The following AKAP13 variants were observed in gnomAD, a reference collection of about 807,000 sequenced individuals.
AKAP13 encodes the protein A-kinase anchor protein 13.
In AKAP13, 80 loss-of-function variants were observed where a neutral mutation model predicts 264.5. The ratio of observed to expected loss-of-function variants is 0.30; its 90% CI spans 0.25 to 0.36. The LOEUF is 0.36. AKAP13 is among the 10% of genes least tolerant of loss of function. The probability of loss-of-function intolerance (pLI) is 1.00; values close to 1 mark genes in which losing one functional copy is unlikely to be tolerated. For missense variants in AKAP13, 3,712 were observed against 3,435.2 expected (o/e 1.08, Z -2.01); for synonymous variants, 1,380 against 1,250.2 (o/e 1.10, Z -2.19).
In AKAP13 at chr15:85,748,569, A is replaced by G. The variant is rs555605198; in HGVS notation, c.*3892A>G. ...CCTTTCAATGTAGCAAAGCATTCCT[A>G]GTTAACCAGAGCCTTGGAATCTACT... On this transcript the variant is annotated 3_prime_UTR_variant, in exon 37 of 37. Coordinates refer to ENST00000394518, the MANE Select transcript of AKAP13 (RefSeq NM_007200.5). 2 of 152,318 alleles carry G rather than the reference A, an allele frequency of 1.3e-5. No individual in the cohort carries two copies. Among genetic ancestry groups the G allele is most frequent in the East Asian group, 3.9e-4 (2 of 5,188 alleles). 9.4% of individuals were successfully genotyped at this position (152,318 alleles called of 1,614,324 possible).
chr15:85,683,325 C>T (rs1412056215), intron 15 of AKAP13, among the ~76,000 whole-genome samples: 2 of 152,234 alleles, frequency 1.3e-5, no homozygotes, highest in African/African-American at 4.8e-5. Context: ...CTGCCACCTG[C>T]CCTCTCACAG....
At chr15:85,399,481 C>T (rs7172791) in intron 1 of AKAP13, among the ~76,000 whole-genome samples, 71,007 of 125,658 alleles carry the variant, frequency 0.57, 20,590 homozygotes, top group African/African-American at 0.72. Flanking sequence ...CCGGCCTGGG[C>T]GACAGAGCGA....
intron 2 of AKAP13, among the ~76,000 whole-genome samples, chr15:85,486,739 CTTTTTT>C (rs562767898): frequency 1.4e-4 from 16 of 115,646 alleles, no homozygotes; most frequent in African/African-American, 2.7e-4. Context: ...TTGTTCAGTT[CTTTTTT>C]TTTTTTTTTT....
intron 1 of AKAP13, among the ~76,000 whole-genome samples, chr15:85,423,495 T>A (rs1478123054): frequency 1.3e-5 from 2 of 152,200 alleles, no homozygotes; most frequent in Non-Finnish European, 2.9e-5. Context: ...AGTTTTATCA[T>A]GAGATTGCAG....
rs115664213 is a variant in AKAP13, at chr15:85,501,874, G to C, written c.33+16121G>C. Among the ~76,000 whole-genome samples the C allele has an allele frequency of 4.8e-3, 733 of 152,264 alleles. 11 individuals are homozygous for C. The highest frequency in any genetic ancestry group is 6.5e-3 in the Non-Finnish European group (445 of 68,012). On this transcript the variant is annotated intron_variant, in intron 2 of 36. Coordinates refer to ENST00000394518, the MANE Select transcript of AKAP13 (RefSeq NM_007200.5). Reference sequence around the variant, plus strand: ...CTATTGCCTAGGATTTGTGAAATAAGGATGTTGGTGAGATTATTAAAGTCA... The same window carrying C: ...CTATTGCCTAGGATTTGTGAAATAACGATGTTGGTGAGATTATTAAAGTCA...
chr15:85,726,417 A>G lies in AKAP13; in HGVS notation c.6753A>G (p.Gln2251=), dbSNP rs376837483. The G allele has an allele frequency of 4.3e-6, 7 of 1,613,498 alleles. No individual in the cohort carries two copies. The highest frequency in any genetic ancestry group is 5.9e-6 in the Non-Finnish European group (7 of 1,179,606). Residue 2251 remains glutamine (Q), a synonymous_variant, in exon 27 of 37, where the codon CAA becomes CAG. Coordinates refer to ENST00000394518, the MANE Select transcript of AKAP13 (RefSeq NM_007200.5). ...KNAAGRLKEV[Q]AVLLTDILVF... ...CCCATTTCCATTTTCCAGAGGTTCA[A>G]GCAGTTCTTCTCACTGACATTTTAG...
rs1204532226 is a variant in AKAP13 at position 85,582,114 on chromosome 15, A to C, written c.4039+7A>C. 1.3e-6 allele frequency: 2 copies of C among 1,574,130 alleles called. No homozygotes were observed. Among genetic ancestry groups the C allele is most frequent in the Admixed American group, 1.8e-5 (1 of 54,672 alleles). ...GGGCCTGAGCCAGCAGCAGGTAAGC[A>C]AAACATAATACAAAATTAACAGTCT... On this transcript the variant is annotated splice_region_variant and intron_variant, in intron 7 of 36. Coordinates refer to ENST00000394518, the MANE Select transcript of AKAP13 (RefSeq NM_007200.5).
chr15:85,600,371 T>A (rs968634040), intron 8 of AKAP13, among the ~76,000 whole-genome samples: 1 of 151,792 alleles, frequency 6.6e-6, no homozygotes, highest in African/African-American at 2.4e-5. Flanking sequence ...GAAAAGCGTT[T>A]TATCACATAA....
At chr15:85,429,048 G>A (rs1456965434) in intron 1 of AKAP13, among the ~76,000 whole-genome samples, 1 of 152,142 alleles carries the variant, frequency 6.6e-6, no homozygotes, top group Non-Finnish European at 1.5e-5. Context: ...TATATAGCTA[G>A]TGAAGCTGGA....
chr15:85,433,344 T>C (rs917552262), intron 1 of AKAP13, among the ~76,000 whole-genome samples: 11 of 152,286 alleles, frequency 7.2e-5, no homozygotes, highest in Admixed American at 5.9e-4. Context: ...GTGTTAAATT[T>C]TATCCAAAAT....
chr15:85,682,608 G>C, intron 15 of AKAP13, among the ~76,000 whole-genome samples: 1 of 152,174 alleles, frequency 6.6e-6, no homozygotes, highest in East Asian at 1.9e-4. Context: ...AAGCTTTAAA[G>C]CTGTTTTCTT....
chr15:85,661,489 C>T (rs1393805221), intron 12 of AKAP13, among the ~76,000 whole-genome samples: 12 of 152,044 alleles, frequency 7.9e-5, no homozygotes, highest in East Asian at 3.9e-4. Flanking sequence ...GAGGCTGAGG[C>T]GGGTGGATCA....
In AKAP13 at chr15:85,639,339, A is replaced by T. The variant is rs577449488; in HGVS notation, c.4162-35A>T. On this transcript the variant is annotated intron_variant, in intron 8 of 36. Coordinates refer to ENST00000394518, the MANE Select transcript of AKAP13 (RefSeq NM_007200.5). The stretch of plus-strand genomic sequence containing the variant: ...CTGTAAAATTATCTCACATTACTTC[A>T]ATGTCTGAAACTCTGTGTTTTCTTT... 1.6e-5 allele frequency: 23 copies of T among 1,457,702 alleles called. No homozygotes were observed. In the South Asian group the frequency reaches 2.5e-4, roughly 16 times the overall value. The allele number at this position is 1,457,702 out of a possible 1,614,324, so 90.3% of individuals were successfully genotyped here.
chr15:85,722,793 C>T (rs1042707723), intron 25 of AKAP13, among the ~76,000 whole-genome samples: 2 of 152,052 alleles, frequency 1.3e-5, no homozygotes, highest in Non-Finnish European at 2.9e-5. Context: ...GGTTGCTCTT[C>T]CTGCTATTAC....
intron 1 of AKAP13, among the ~76,000 whole-genome samples, chr15:85,421,445 T>G (rs1328608264): frequency 1.3e-5 from 2 of 152,228 alleles, no homozygotes; most frequent in Admixed American, 6.5e-5. Context: ...TAAAGGGGCT[T>G]GAATTAGAGC....
Position 85,719,305 on chromosome 15 carries a change from A to G in AKAP13, c.6231A>G (p.Ile2077Met). 1 of 1,614,202 alleles carries G rather than the reference A, an allele frequency of 6.2e-7. No individual in the cohort carries two copies. Among genetic ancestry groups the G allele is most frequent in the Non-Finnish European group, 8.5e-7 (1 of 1,180,028 alleles). ...AAAAGAACTTTCTCATCAAGAGGAT[A>G]GGGGATGTGCTTGTAAATCAGGTGA... is the stretch of plus-strand genomic sequence containing the variant. ...KSEKNFLIKRIGDVLVNQFSG... is the reference protein window; with the variant it reads ...KSEKNFLIKRMGDVLVNQFSG... The change falls in exon 23 of 37, where the codon ATA becomes ATG. Residue 2077 changes from isoleucine (I) to methionine (M), a missense_variant. Ile to Met is a conservative substitution (Grantham distance 10). Transcript: ENST00000394518.
chr15:85,507,933 G>C (rs2076288545), intron 2 of AKAP13, among the ~76,000 whole-genome samples: 1 of 152,210 alleles, frequency 6.6e-6, no homozygotes, highest in Non-Finnish European at 1.5e-5. Context: ...TGGCAGGAAT[G>C]GGGGCCATGG....
chr15:85,559,881 T>C (rs908676103), intron 5 of AKAP13, among the ~76,000 whole-genome samples: 1 of 152,256 alleles, frequency 6.6e-6, no homozygotes, highest in Non-Finnish European at 1.5e-5. Context: ...TAATCACTTA[T>C]AACTTATAAT....
intron 8 of AKAP13, among the ~76,000 whole-genome samples, chr15:85,628,444 G>A (rs1347836613): frequency 3.3e-5 from 5 of 152,292 alleles, no homozygotes; most frequent in South Asian, 2.1e-4. Flanking sequence ...CCGAATTATC[G>A]GAAATGTTAC....
Sources: gnomAD v4.1 joint callset for allele counts (sites outside exome capture counted in the v4.1 genomes callset) on GRCh38, gnomAD v4.1.1 for gene constraint, MANE v1.5 for transcripts, NCBI Gene and HGNC (gene_info 2026-07-23, HGNC 2026-07-21) for gene names.